The following EFL1 variants were observed in gnomAD, a reference collection of about 807,000 sequenced individuals.
EFL1 encodes elongation factor like GTPase 1.
Under a neutral mutation model 126.7 loss-of-function variants are expected in EFL1, and 76 were observed. The ratio of observed to expected loss-of-function variants is 0.60; its 90% CI spans 0.50 to 0.73. EFL1 has a LOEUF of 0.73. EFL1 is among the 30% of genes least tolerant of loss of function. The probability of loss-of-function intolerance (pLI) is 0.00; values close to 1 mark genes in which losing one functional copy is unlikely to be tolerated. For synonymous variants in EFL1, 410 were observed against 448.4 expected, an observed-to-expected ratio of 0.91 and a Z score of 1.08; for missense variants, 1,128 against 1,343.2, an observed-to-expected ratio of 0.84 and a Z score of 2.50.
At chr15:82,213,202 T>A (rs1395459167) in intron 15 of EFL1, among the ~76,000 whole-genome samples, 1 of 152,246 alleles carries the variant, frequency 6.6e-6, no homozygotes, top group East Asian at 1.9e-4. Context: ...TGGTTGTCCA[T>A]CAGGCTTAGT....
At chr15:82,258,650 A>C (rs2075087101) in intron 3 of EFL1, among the ~76,000 whole-genome samples, 1 of 152,214 alleles carries the variant, frequency 6.6e-6, no homozygotes, top group Non-Finnish European at 1.5e-5. Context: ...GGTCTTCTAT[A>C]ATCTTATTCT....
chr15:82,255,566 T>C (rs1567081370), intron 3 of EFL1, among the ~76,000 whole-genome samples: 1 of 152,230 alleles, frequency 6.6e-6, no homozygotes, highest in Non-Finnish European at 1.5e-5. Context: ...GAAATCTTCC[T>C]TTAAGGTCAT....
At chr15:82,251,481 G>A (rs2075021012) in intron 4 of EFL1, among the ~76,000 whole-genome samples, 1 of 152,188 alleles carries the variant, frequency 6.6e-6, no homozygotes, top group African/African-American at 2.4e-5. Flanking sequence ...ACTGACACCA[G>A]AGGAATCTTC....
Position 82,240,516 on chromosome 15 carries a change from G to T in EFL1, c.418C>A (p.Arg140Ser). The T allele has an allele frequency of 6.2e-7, 1 of 1,614,030 alleles. No individual in the cohort carries two copies. The highest frequency in any genetic ancestry group is 8.5e-7 in the Non-Finnish European group (1 of 1,179,992). Residue 140 changes from arginine to serine, a missense_variant, in exon 6 of 20, where the codon CGT (arginine) becomes AGT (serine). Physicochemically the swap from Arg to Ser is moderately radical, Grantham distance 110. This residue lies in a region of EFL1 where 118 missense variants were observed against 188.1 expected (regional missense o/e 0.63). Transcript: ENST00000268206. ...ATCTTATTAATCACTAAAACCGGACGGATGTTTTCAAGCCAAGCTTGTCGC... is the reference window on the plus strand; with the variant it reads ...ATCTTATTAATCACTAAAACCGGACTGATGTTTTCAAGCCAAGCTTGTCGC... ...VLRQAWLENI[R>S]PVLVINKIDR...
chr15:82,157,655 T>G, intron 17 of EFL1, 58 bp downstream of exon 17: 1 of 1,556,034 alleles, frequency 6.4e-7, no homozygotes, highest in Non-Finnish European at 8.7e-7. Flanking sequence ...TAGGAAACAC[T>G]AAAACATCCC....
rs184687767 is a variant in EFL1, at chr15:82,231,896, G to A, written c.732-925C>T. Among the ~76,000 whole-genome samples the A allele has an allele frequency of 5.1e-4, 78 of 152,290 alleles. 1 individual carries two copies. The East Asian group carries it at 0.014, about 28-fold the overall frequency. ...AAAAGAAAGCAGGCTCTGCCTTGCT[G>A]CCTACTCTGTGGATCCCTAAAAAGA... On this transcript the variant is annotated intron_variant, in intron 7 of 19. Transcript: ENST00000268206.
intron 18 of EFL1, among the ~76,000 whole-genome samples, chr15:82,142,316 C>A (rs2073797780): frequency 6.6e-6 from 1 of 152,214 alleles, no homozygotes; most frequent in South Asian, 2.1e-4. Flanking sequence ...CAAAACAAGA[C>A]CCTGTCTCTA....
At chr15:82,242,506 TA>T (rs1321850173) in intron 4 of EFL1, among the ~76,000 whole-genome samples, 2 of 84,566 alleles carry the variant, frequency 2.4e-5, no homozygotes, top group African/African-American at 1.4e-4. Context: ...AATATAATTT[TA>T]ATGACTTCGC....
Position 82,220,177 on chromosome 15 carries a change from G to A in EFL1, c.1345C>T (p.His449Tyr), listed in dbSNP as rs200909754. The A allele has an allele frequency of 4.0e-5, 64 of 1,613,420 alleles. No homozygotes were observed. The Middle Eastern group carries it at 5.0e-4, about 13-fold the overall frequency. Residue 449 changes from histidine (H) to tyrosine (Y), a missense_variant, in exon 13 of 20, where the codon CAT (histidine) becomes TAT (tyrosine). By Grantham distance (83) the His-to-Tyr change is moderately conservative. Around this residue, in one of 6 missense-constraint regions of EFL1, gnomAD observed 120 missense variants for 142.1 expected, o/e 0.84. Transcript: ENST00000268206. Reference sequence around the variant, plus strand: ...TGTGCTGCTGCAAGCTTCTCTGCATGCCTTTGTCTTGCACGCTCACGTCTC... The same window carrying A: ...TGTGCTGCTGCAAGCTTCTCTGCATACCTTTGTCTTGCACGCTCACGTCTC... The part of the protein sequence containing the change: ...AQRRERARQR[H>Y]AEKLAAAQGQ...
intron 4 of EFL1, among the ~76,000 whole-genome samples, chr15:82,245,490 A>G (rs551925590): frequency 2.0e-5 from 3 of 152,250 alleles, no homozygotes; most frequent in South Asian, 4.1e-4. Flanking sequence ...AAATCAATGT[A>G]TAACATTATA....
intron 15 of EFL1, among the ~76,000 whole-genome samples, chr15:82,214,209 G>A (rs1350149984): frequency 6.6e-6 from 1 of 152,084 alleles, no homozygotes; most frequent in Non-Finnish European, 1.5e-5. Flanking sequence ...TGCACATGGG[G>A]GACAGAAGTC....
chr15:82,206,408 T>C (rs2074525561), intron 15 of EFL1, among the ~76,000 whole-genome samples: 1 of 152,076 alleles, frequency 6.6e-6, no homozygotes, highest in Non-Finnish European at 1.5e-5. Flanking sequence ...TCAAGTAATA[T>C]GGAAACATAT....
At chr15:82,198,617 T>C (rs1299594603) in intron 15 of EFL1, among the ~76,000 whole-genome samples, 5 of 151,758 alleles carry the variant, frequency 3.3e-5, no homozygotes, top group Middle Eastern at 3.2e-3. Flanking sequence ...AACTAAGAAA[T>C]ACAGGAAAAC....
intron 15 of EFL1, among the ~76,000 whole-genome samples, chr15:82,199,474 C>G (rs147795446): frequency 6.6e-5 from 10 of 152,154 alleles, no homozygotes; most frequent in East Asian, 3.8e-4. Context: ...GACTGCGGCC[C>G]GCAAAATAAG....
intron 2 of EFL1, among the ~76,000 whole-genome samples, chr15:82,261,257 C>T (rs541185868): frequency 5.1e-4 from 77 of 152,286 alleles, no homozygotes; most frequent in African/African-American, 1.8e-3. Flanking sequence ...GTTAAAACCT[C>T]CCCTGGGCTA....
Position 82,145,171 on chromosome 15 carries a change from C to T in EFL1, c.2989+6294G>A, listed in dbSNP as rs904899245. Among the ~76,000 whole-genome samples the T allele has an allele frequency of 4.0e-5, 6 of 151,658 alleles. No homozygotes were observed. The East Asian group carries it at 1.2e-3, about 29-fold the overall frequency. On this transcript the variant is annotated intron_variant, in intron 18 of 19. Coordinates refer to ENST00000268206, the MANE Select transcript of EFL1 (RefSeq NM_024580.6). ...ATATAAAATTAGCCGGGCGTGGTGGCACATGCCTGTAATCCCAGCTACTAG... is the reference window on the plus strand; with the variant it reads ...ATATAAAATTAGCCGGGCGTGGTGGTACATGCCTGTAATCCCAGCTACTAG...
Position 82,152,232 on chromosome 15 carries a change from G to C in EFL1, c.2222C>G (p.Thr741Ser). ...GGCAAGTTTATTGGGAGTTGTTATG[G>C]TGATTAGCCCGTCAGAGTCAACTTG... Reference protein sequence around the residue: ...GIQVDSDGLITITTPNKLATL... With the variant: ...GIQVDSDGLISITTPNKLATL... The change falls in exon 18 of 20, where the codon ACC (threonine) becomes AGC (serine). Residue 741 changes from threonine (T) to serine (S), a missense_variant. Thr to Ser is a moderately conservative substitution (Grantham distance 58). Coordinates refer to ENST00000268206, the MANE Select transcript of EFL1 (RefSeq NM_024580.6). 6.2e-7 allele frequency: 1 copy of C among 1,614,174 alleles called. No individual in the cohort carries two copies. Among genetic ancestry groups the C allele is most frequent in the Non-Finnish European group, 8.5e-7 (1 of 1,180,026 alleles).
intron 15 of EFL1, among the ~76,000 whole-genome samples, chr15:82,176,815 G>T (rs986930562): frequency 6.6e-5 from 10 of 152,082 alleles, no homozygotes; most frequent in Non-Finnish European, 1.5e-4. Context: ...CAAAAGACAT[G>T]TATAAGAATA....
At chr15:82,171,596 A>G (rs570963507) in intron 15 of EFL1, among the ~76,000 whole-genome samples, 1 of 152,354 alleles carries the variant, frequency 6.6e-6, no homozygotes, top group African/African-American at 2.4e-5. Context: ...ATAAAACCTG[A>G]AAGCACAAAT....
Sources: gnomAD v4.1 joint callset for allele counts (sites outside exome capture counted in the v4.1 genomes callset) on GRCh38, gnomAD v4.1.1 for gene constraint, gnomAD v4.1.1 regional missense constraint, MANE v1.5 for transcripts, NCBI Gene and HGNC (gene_info 2026-07-23, HGNC 2026-07-21) for gene names.